The following ANO1 variants were observed in gnomAD, a reference collection of about 807,000 sequenced individuals.
ANO1 encodes the protein anoctamin 1, also known as anoctamin-1.
Under a neutral mutation model 124.0 loss-of-function variants are expected in ANO1, and 59 were observed. That is an observed-to-expected ratio of 0.48 (90% confidence interval 0.39 to 0.59). ANO1 has a LOEUF of 0.59. Among genes scored for constraint, ANO1 ranks in the 20% least tolerant of loss-of-function variants. ANO1 has a pLI of 0.00. For missense variants in ANO1, 1,059 were observed against 1,328.0 expected (o/e 0.80, Z 3.15); for synonymous variants, 529 against 532.0 (o/e 0.99, Z 0.08).
chr11:70,126,995 T>C (rs547444418), intron 10 of ANO1, among the ~76,000 whole-genome samples: 14 of 111,330 alleles, frequency 1.3e-4, no homozygotes, highest in East Asian at 6.4e-4. Flanking sequence ...GAGACATGAA[T>C]GCTAGAGGCC....
intron 14 of ANO1, among the ~76,000 whole-genome samples, chr11:70,155,654 C>G (rs766839548): frequency 2.0e-5 from 3 of 152,228 alleles, no homozygotes; most frequent in Non-Finnish European, 4.4e-5. Flanking sequence ...ATGACGCGGT[C>G]CAGTGGAGGG....
At chr11:70,109,992 G>C (rs914626438) in intron 6 of ANO1, among the ~76,000 whole-genome samples, 1 of 152,140 alleles carries the variant, frequency 6.6e-6, no homozygotes, top group African/African-American at 2.4e-5. Flanking sequence ...CACCTGCCAA[G>C]TTGTGTCCCA....
chr11:70,185,747 C>T (rs1464242417), intron 25 of ANO1, 52 bp downstream of exon 25: 1 of 1,562,494 alleles, frequency 6.4e-7, no homozygotes, highest in African/African-American at 1.4e-5. Flanking sequence ...CATTTAGGGA[C>T]CATCCTGTGC....
intron 1 of ANO1, among the ~76,000 whole-genome samples, chr11:70,063,196 G>A (rs1490326577): frequency 6.6e-6 from 1 of 152,160 alleles, no homozygotes; most frequent in East Asian, 1.9e-4. Flanking sequence ...TGGGATTATA[G>A]GCGTGAGCCA....
chr11:70,004,068 T>C (rs377186150), intron 1 of ANO1, among the ~76,000 whole-genome samples: 4 of 152,060 alleles, frequency 2.6e-5, no homozygotes, highest in African/African-American at 9.7e-5. Context: ...CCTCATAACC[T>C]CTTCCCAGTC....
chr11:70,085,848 C>A (rs990586690), intron 1 of ANO1, among the ~76,000 whole-genome samples: 1 of 152,258 alleles, frequency 6.6e-6, no homozygotes, highest in Non-Finnish European at 1.5e-5. Context: ...TTGTATACAG[C>A]CCACCTGCCT....
chr11:70,104,252 A>G (rs1316936123), intron 4 of ANO1, 102 bp downstream of exon 4: 2 of 1,347,654 alleles, frequency 1.5e-6, no homozygotes, highest in Non-Finnish European at 2.0e-6. Context: ...CCCAAAGAAG[A>G]GCGTGTTCTT....
chr11:70,169,135 G>A (rs770115772), intron 21 of ANO1, among the ~76,000 whole-genome samples: 29 of 152,170 alleles, frequency 1.9e-4, no homozygotes, highest in Non-Finnish European at 3.7e-4. Context: ...CCCAAGACAC[G>A]AGCACAGCCT....
chr11:70,177,082 C>T (rs2048731889), intron 22 of ANO1, among the ~76,000 whole-genome samples: 4 of 152,238 alleles, frequency 2.6e-5, no homozygotes, highest in Admixed American at 2.6e-4. Flanking sequence ...ATCCCCGCCT[C>T]ATCCCTCCCA....
At chr11:70,168,231 C>T (rs761431769) in intron 21 of ANO1, among the ~76,000 whole-genome samples, 2 of 152,136 alleles carry the variant, frequency 1.3e-5, no homozygotes, top group African/African-American at 2.4e-5. Flanking sequence ...TCCCCAGCCC[C>T]GTGGAGCTCA....
chr11:69,975,934 G>A, the ANO1 span, among the ~76,000 whole-genome samples: 12 of 152,112 alleles, frequency 7.9e-5, 1 homozygote, highest in Non-Finnish European at 1.0e-4. Flanking sequence ...TGAGACCCTC[G>A]GTGCCCCCAG....
chr11:70,025,226 CA>C (rs1856872105), intron 1 of ANO1, among the ~76,000 whole-genome samples: 1 of 152,180 alleles, frequency 6.6e-6, no homozygotes, highest in Non-Finnish European at 1.5e-5. Flanking sequence ...CTCATCCAAA[CA>C]AGGGCATGTG....
chr11:70,032,798 GA>G (rs1380527875), intron 1 of ANO1, among the ~76,000 whole-genome samples: 6 of 151,830 alleles, frequency 4.0e-5, no homozygotes, highest in South Asian at 2.1e-4. Flanking sequence ...CTTTGTAAAA[GA>G]AAAAACAGAA....
chr11:69,996,449 G>A (rs1283520354), intron 1 of ANO1, among the ~76,000 whole-genome samples: 1 of 152,140 alleles, frequency 6.6e-6, no homozygotes, highest in African/African-American at 2.4e-5. Context: ...TACCCACAGA[G>A]GCTCTCCAAC....
In ANO1 at chr11:70,187,970, C is replaced by T. The variant is rs1256472247; in HGVS notation, c.2927C>T (p.Ala976Val). 6.4e-7 allele frequency: 1 copy of T among 1,572,046 alleles called. No individual in the cohort carries two copies. Among genetic ancestry groups the T allele is most frequent in the Admixed American group, 1.9e-5 (1 of 53,024 alleles). The change falls in exon 26 of 26, where the codon GCC (alanine) becomes GTC (valine). Residue 976 changes from alanine (A) to valine (V), a missense_variant. This residue lies in a region of ANO1 where 809 missense variants were observed against 1,094.9 expected (regional missense o/e 0.74). Coordinates refer to ENST00000355303, the MANE Select transcript of ANO1 (RefSeq NM_018043.7). ...KACPDSLGSP[A>V]PSHAYHGGVL ...TGCCCAGACAGCCTCGGCAGCCCAG[C>T]CCCCAGCCATGCCTACCACGGGGGC...
chr11:69,966,628 T>C, the ANO1 span, among the ~76,000 whole-genome samples: 2 of 151,716 alleles, frequency 1.3e-5, no homozygotes, highest in Non-Finnish European at 2.9e-5. Flanking sequence ...GAGACAGCGC[T>C]GGACCCTCTG....
chr11:70,101,081 C>T (rs1174985277), intron 2 of ANO1, among the ~76,000 whole-genome samples: 2 of 151,880 alleles, frequency 1.3e-5, no homozygotes, highest in African/African-American at 2.4e-5. Context: ...GCTTTTCTAT[C>T]GGATCAGGAA....
At chr11:69,993,519 CA>C (rs1229791714) in intron 1 of ANO1, among the ~76,000 whole-genome samples, 3 of 152,150 alleles carry the variant, frequency 2.0e-5, no homozygotes, top group Non-Finnish European at 4.4e-5. Flanking sequence ...CCAAATTGAT[CA>C]AGGTGTGTGC....
chr11:70,153,028 A>C (rs2047666229), intron 13 of ANO1, 29 bp from the exon 14 acceptor site: 1 of 1,582,180 alleles, frequency 6.3e-7, no homozygotes, highest in South Asian at 1.2e-5. Context: ...ATTAACAAGG[A>C]CTCTGTCTTG....
Sources: allele counts gnomAD v4.1 joint callset (sites outside exome capture counted in the v4.1 genomes callset), GRCh38; gene constraint gnomAD v4.1.1; regional missense constraint gnomAD v4.1.1; transcripts MANE v1.5; gene names NCBI Gene and HGNC (gene_info 2026-07-23, HGNC 2026-07-21).